Variants in TMX1 observed in about 807,000 individuals in gnomAD.
TMX1 encodes the protein thioredoxin-related transmembrane protein 1.
TMX1 carries 25 observed loss-of-function variants against 36.6 expected under a neutral mutation model. The observed-to-expected ratio is 0.68, with a 90% CI of 0.50 to 0.95. The LOEUF (loss-of-function observed/expected upper bound fraction) is 0.95. TMX1 is among the 40% of genes least tolerant of loss of function. The pLI is 0.00. For missense variants in TMX1, 347 were observed against 339.6 expected (o/e 1.02, Z -0.17); for synonymous variants, 133 against 118.0 (o/e 1.13, Z -0.82).
chr14:51,244,105 C>T, intron 2 of TMX1, 134 bp downstream of exon 2: 2 of 657,040 alleles, frequency 3.0e-6, no homozygotes, highest in Non-Finnish European at 4.7e-6. Context: ...GCTAGTTAAC[C>T]TGACTTGTCC....
chr14:51,242,296 A>C (rs1438126554), intron 1 of TMX1, among the ~76,000 whole-genome samples: 1 of 152,176 alleles, frequency 6.6e-6, no homozygotes, highest in African/African-American at 2.4e-5. Flanking sequence ...CTTGTTTTAG[A>C]TCGTGCCTGT....
Position 51,240,445 on chromosome 14 carries a change from G to GT in TMX1, c.152+2dup. 1 of 1,613,230 alleles carries GT rather than the reference G, an allele frequency of 6.2e-7. No homozygotes were observed. Among genetic ancestry groups the GT allele is most frequent in the Non-Finnish European group, 8.5e-7 (1 of 1,179,616 alleles). Reference sequence around the variant, plus strand: ...TGGAAGGAGACTGGATGATAGAATTGTGAGTGCGGGGCGGCCAGGGTCCTA... The same window carrying GT: ...TGGAAGGAGACTGGATGATAGAATTGTTGAGTGCGGGGCGGCCAGGGTCCTA... On this transcript the variant is annotated splice_donor_variant, in intron 1 of 7. Transcript: ENST00000457354. LOFTEE classifies it high-confidence loss of function.
intron 1 of TMX1, among the ~76,000 whole-genome samples, 178 bp downstream of exon 1, chr14:51,240,622 C>T (rs556003888): frequency 2.4e-4 from 37 of 152,328 alleles, no homozygotes; most frequent in South Asian, 1.9e-3. Flanking sequence ...GTCCCACCCC[C>T]TCGTCTCTTA....
intron 3 of TMX1, chr14:51,245,576 T>C (rs2065782010): frequency 8.3e-7 from 1 of 1,206,370 alleles, no homozygotes; most frequent in African/African-American, 1.5e-5. Flanking sequence ...TTACAGTTGT[T>C]TTGGAAAGTG....
In TMX1 at chr14:51,254,424, G is replaced by C; in HGVS notation, c.748G>C (p.Glu250Gln). ...GGATGAAGAAGATGTTTCAGAAGAA[G>C]AAGCTGAAAGTAAAGAAGGAACAAA... ...EADEEDVSEE[E>Q]AESKEGTNKD... is the part of the protein sequence containing the mutation. The change falls in exon 8 of 8, where the codon GAA becomes CAA. Residue 250 changes from glutamate (E) to glutamine (Q), a missense_variant. Glu to Gln is a conservative substitution (Grantham distance 29). Coordinates refer to ENST00000457354, the MANE Select transcript of TMX1 (RefSeq NM_030755.5). The C allele has an allele frequency of 1.2e-6, 2 of 1,612,450 alleles. No individual in the cohort carries two copies. Among genetic ancestry groups the C allele is most frequent in the Non-Finnish European group, 1.7e-6 (2 of 1,179,208 alleles).
At chr14:51,243,761 T>C (rs982210628) in intron 1 of TMX1, 95 bp from the exon 2 acceptor site, 1 of 872,964 alleles carries the variant, frequency 1.1e-6, no homozygotes, top group East Asian at 2.9e-5. Flanking sequence ...ATATGAAATA[T>C]TCTTCATAAA....
intron 4 of TMX1, among the ~76,000 whole-genome samples, chr14:51,247,735 A>G (rs1355540593): frequency 6.6e-6 from 1 of 152,230 alleles, no homozygotes; most frequent in Non-Finnish European, 1.5e-5. Context: ...GGCATTTTAT[A>G]GAAGTAAGTT....
intron 3 of TMX1, 140 bp downstream of exon 3, chr14:51,245,498 G>A (rs765038203): frequency 6.5e-6 from 10 of 1,535,272 alleles, no homozygotes; most frequent in African/African-American, 1.4e-5. Context: ...GGCTTGTTTT[G>A]CTTAGTGTTA....
chr14:51,245,325 G>C lies in TMX1; in HGVS notation c.281G>C (p.Arg94Pro), dbSNP rs981072846. ...TCTTTATTTGTAGGACTGAGTGGAC[G>C]GTTTATCATAACTGCTCTTCCTACT... is the stretch of plus-strand genomic sequence containing the variant. ...DVTEQPGLSG[R>P]FIITALPTIY... Residue 94 changes from arginine to proline, a missense_variant, in exon 3 of 8, where the codon CGG becomes CCG. Arg to Pro is a moderately radical substitution (Grantham distance 103). Transcript: ENST00000457354. 6.2e-7 allele frequency: 1 copy of C among 1,613,674 alleles called. No homozygotes were observed.
intron 7 of TMX1, among the ~76,000 whole-genome samples, chr14:51,251,706 AG>A (rs1026263230): frequency 1.3e-5 from 2 of 152,162 alleles, no homozygotes; most frequent in African/African-American, 4.8e-5. Context: ...CTTACCACTT[AG>A]AGCAAACTTG....
chr14:51,245,533 G>C, intron 3 of TMX1, 175 bp downstream of exon 3: 1 of 1,460,488 alleles, frequency 6.8e-7, no homozygotes, highest in Non-Finnish European at 9.2e-7. Flanking sequence ...AGGTAGTTGA[G>C]TGATGTGTGA....
In TMX1 at chr14:51,247,279, A is replaced by G. The variant is rs546506511; in HGVS notation, c.443+59A>G. On this transcript the variant is annotated intron_variant, in intron 4 of 7. Transcript: ENST00000457354. ...ATAATTAATTGGAACAGATAATTAT[A>G]TTTTATGTAAAGCATTCATACTCAG... 9.1e-5 allele frequency: 140 copies of G among 1,531,710 alleles called. No individual in the cohort carries two copies. The African/African-American group carries it at 1.3e-3, about 15-fold the overall frequency. 94.9% of individuals were successfully genotyped at this position (1,531,710 alleles called of 1,614,324 possible).
intron 1 of TMX1, among the ~76,000 whole-genome samples, chr14:51,243,447 C>T (rs930309590): frequency 2.6e-5 from 4 of 152,204 alleles, no homozygotes; most frequent in African/African-American, 9.6e-5. Context: ...CTTTCTTATT[C>T]ACCACAGCCC....
chr14:51,248,952 TCTTG>T (rs1231068926), intron 4 of TMX1, among the ~76,000 whole-genome samples: 2 of 152,216 alleles, frequency 1.3e-5, no homozygotes, highest in African/African-American at 4.8e-5. Context: ...CTCCCTTTGG[TCTTG>T]CTTTGAAGGC....
chr14:51,240,538 G>T (rs1455553958), intron 1 of TMX1, 94 bp downstream of exon 1: 6 of 1,480,796 alleles, frequency 4.1e-6, no homozygotes, highest in Non-Finnish European at 5.4e-6. Flanking sequence ...CCCCAGGACT[G>T]CGCCTCCGAG....
At position 51,256,244 on chromosome 14, in the gene TMX1, G is replaced by C. The variant is rs761494624; in HGVS notation, c.*1725G>C. 75 of 151,254 alleles carry C rather than the reference G, an allele frequency of 5.0e-4. No homozygotes were observed. The highest frequency in any genetic ancestry group is 1.5e-4 in the Non-Finnish European group (10 of 67,840). The allele number at this position is 151,254 out of a possible 1,614,324, so 9.4% of individuals were successfully genotyped here. On this transcript the variant is annotated 3_prime_UTR_variant, in exon 8 of 8. Coordinates refer to ENST00000457354, the MANE Select transcript of TMX1 (RefSeq NM_030755.5). ...AGCATTTTTTTTTTTTAGTGTTCTA[G>C]TATATGTGACATGGCCAATTTTTTT...
chr14:51,245,513 A>G (rs967640843), intron 3 of TMX1, 155 bp downstream of exon 3: 2 of 1,516,370 alleles, frequency 1.3e-6, no homozygotes, highest in Admixed American at 2.0e-5. Flanking sequence ...GTGTTATCCT[A>G]GGTGCCTTTA....
chr14:51,254,430 G>A lies in TMX1; in HGVS notation c.754G>A (p.Glu252Lys), dbSNP rs748840242. The A allele has an allele frequency of 3.3e-5, 54 of 1,612,408 alleles. No individual in the cohort carries two copies. The highest frequency in any genetic ancestry group is 4.2e-5 in the Non-Finnish European group (50 of 1,179,332). Residue 252 changes from glutamate to lysine, a missense_variant, in exon 8 of 8, where the codon GAA becomes AAA. Physicochemically the swap from Glu to Lys is moderately conservative, Grantham distance 56 (BLOSUM62 1). Coordinates refer to ENST00000457354, the MANE Select transcript of TMX1 (RefSeq NM_030755.5). ...AGAAGATGTTTCAGAAGAAGAAGCT[G>A]AAAGTAAAGAAGGAACAAACAAAGA... ...DEEDVSEEEA[E>K]SKEGTNKDFP... is the part of the protein sequence containing the mutation.
intron 1 of TMX1, 146 bp from the exon 2 acceptor site, chr14:51,243,710 A>G (rs185232681): frequency 1.8e-4 from 93 of 522,490 alleles, no homozygotes; most frequent in Admixed American, 1.0e-3. Flanking sequence ...AAAGTTTTTC[A>G]TCTGCATAAA....
Sources: allele counts gnomAD v4.1 joint callset (sites outside exome capture counted in the v4.1 genomes callset), GRCh38; gene constraint gnomAD v4.1.1; transcripts MANE v1.5; gene names NCBI Gene and HGNC (gene_info 2026-07-23, HGNC 2026-07-21).